Variants in KCNQ1 observed in about 807,000 individuals in gnomAD.
KCNQ1 encodes potassium voltage-gated channel subfamily KQT member 1.
Under a neutral mutation model 72.4 loss-of-function variants are expected in KCNQ1, and 49 were observed. The ratio of observed to expected loss-of-function variants is 0.68; its 90% CI spans 0.54 to 0.86. The LOEUF is 0.86. Among genes scored for constraint, KCNQ1 ranks in the 40% least tolerant of loss-of-function variants. The probability of loss-of-function intolerance (pLI) is 0.00; values close to 1 mark genes in which losing one functional copy is unlikely to be tolerated. For synonymous variants in KCNQ1, 450 were observed against 412.6 expected (o/e 1.09, Z -1.10); for missense variants, 790 against 945.1 (o/e 0.84, Z 2.15).
chr11:2,837,786 G>A (rs1177155264), intron 15 of KCNQ1, among the ~76,000 whole-genome samples: 1 of 152,258 alleles, frequency 6.6e-6, no homozygotes, highest in Non-Finnish European at 1.5e-5. Context: ...GGGTCCTGAG[G>A]TAGGAACCAG....
rs1003809366 is a variant in KCNQ1, at chr11:2,752,059, C to T, written c.1515-16785C>T. 1.3e-5 allele frequency among the ~76,000 whole-genome samples: 2 copies of T among 152,346 alleles called. No individual in the cohort carries two copies. The highest frequency in any genetic ancestry group is 1.9e-4 in the East Asian group (1 of 5,184). ...CTGTCCTCCCCACGCCCTGAGGGGC[C>T]GTCCTAGGCAGCACTCACCCTGGTC... On this transcript the variant is annotated intron_variant, in intron 11 of 15. Coordinates refer to ENST00000155840, the MANE Select transcript of KCNQ1 (RefSeq NM_000218.3). The surrounding 1 kb of genome is among the most constrained non-coding windows in gnomAD (Gnocchi z 5.2).
chr11:2,546,399 G>C (rs1223829965), intron 2 of KCNQ1, among the ~76,000 whole-genome samples: 1 of 152,200 alleles, frequency 6.6e-6, no homozygotes, highest in South Asian at 2.1e-4. Flanking sequence ...CTTGGAAAGA[G>C]TGTGTACTGC....
chr11:2,570,769 C>T lies in KCNQ1; in HGVS notation c.604+15C>T. 1 of 1,609,246 alleles carries T rather than the reference C, an allele frequency of 6.2e-7. No homozygotes were observed. Among genetic ancestry groups the T allele is most frequent in the Non-Finnish European group, 8.5e-7 (1 of 1,179,942 alleles). On this transcript the variant is annotated intron_variant, in intron 3 of 15. Transcript: ENST00000155840. ...TTCCATCATCGGTGAGTCATGCCTG[C>T]CCTGTGGAGGTCACGCCCAGGTTTC... is the stretch of plus-strand genomic sequence containing the variant.
chr11:2,490,742 G>T (rs192626038), intron 1 of KCNQ1, among the ~76,000 whole-genome samples: 1 of 152,098 alleles, frequency 6.6e-6, no homozygotes, highest in Non-Finnish European at 1.5e-5. Context: ...AGGCTAGAGC[G>T]CAATGGTGTG....
intron 1 of KCNQ1, among the ~76,000 whole-genome samples, chr11:2,504,050 C>T (rs1847060757): frequency 6.6e-6 from 1 of 152,192 alleles, no homozygotes. Context: ...CAGCACTATT[C>T]ACAATAGCCA....
At position 2,624,825 on chromosome 11, in the gene KCNQ1, G is replaced by A; in HGVS notation, c.1393+35971G>A. 2 of 398,430 alleles carry A rather than the reference G, an allele frequency of 5.0e-6. No homozygotes were observed. The highest frequency in any genetic ancestry group is 7.1e-5 in the East Asian group (2 of 28,058). 24.7% of individuals were successfully genotyped at this position (398,430 alleles called of 1,614,324 possible). A position where few individuals can be genotyped will look rare whatever the true frequency, so the allele number is the denominator to read the frequency against. Reference sequence around the variant, plus strand: ...ACTATTCTACATACCTCATATAAGTGGAAACATACAGTACTTCTCTTCTTG... The same window carrying A: ...ACTATTCTACATACCTCATATAAGTAGAAACATACAGTACTTCTCTTCTTG... On this transcript the variant is annotated intron_variant, in intron 10 of 15. Transcript: ENST00000155840. This position sits in a 1 kb window ranked among gnomAD's most constrained non-coding sequence, Gnocchi z 4.9.
At chr11:2,700,840 C>G (rs1850796411) in intron 11 of KCNQ1, among the ~76,000 whole-genome samples, 1 of 152,148 alleles carries the variant, frequency 6.6e-6, no homozygotes, top group Admixed American at 6.5e-5. Context: ...TCCGTCCCCT[C>G]CGCGCCGCTG....
chr11:2,765,231 T>G (rs1017118087), intron 11 of KCNQ1, among the ~76,000 whole-genome samples: 2 of 152,220 alleles, frequency 1.3e-5, no homozygotes, highest in African/African-American at 4.8e-5. Flanking sequence ...TGTTGTTTGA[T>G]TCTCATTATA....
rs112052216 is a variant in KCNQ1, at chr11:2,482,189, C to CGT, written c.386+36718_386+36719dup. ...CTGAGCAGGGTAACCCCTATCACTG[C>CGT]GTGTGTGTGTGTGTATATGTGTGTG... On this transcript the variant is annotated intron_variant, in intron 1 of 15. Transcript: ENST00000155840. This position sits in a 1 kb window ranked among gnomAD's most constrained non-coding sequence, Gnocchi z 5.7. 7.8e-4 allele frequency among the ~76,000 whole-genome samples: 118 copies of CGT among 151,600 alleles called. No homozygotes were observed. The highest frequency in any genetic ancestry group is 3.4e-3 in the Middle Eastern group (1 of 294).
Position 2,674,396 on chromosome 11 carries a change from C to CGTGTGT in KCNQ1, c.1514+12321_1514+12326dup. ...CCTGCTTAGGGAAGGTGCATGCGTG[C>CGTGTGT]GTGTGTGTGTGCGCGCCCGCGCGCA... On this transcript the variant is annotated intron_variant, in intron 11 of 15. Transcript: ENST00000155840. This position sits in a 1 kb window ranked among gnomAD's most constrained non-coding sequence, Gnocchi z 5.9. 2.0e-5 allele frequency: 3 copies of CGTGTGT among 148,450 alleles called. No homozygotes were observed. Among genetic ancestry groups the CGTGTGT allele is most frequent in the Non-Finnish European group, 2.9e-5 (2 of 68,276 alleles). The allele number at this position is 148,450 out of a possible 1,614,324, so 9.2% of individuals were successfully genotyped here.
In KCNQ1 at chr11:2,830,969, A is replaced by G. The variant is rs1847934323; in HGVS notation, c.1795-16798A>G. The stretch of plus-strand genomic sequence containing the variant: ...CGTGCAGGTCTTGTCAAGGCAGGAC[A>G]GGGAAGTGGTGATGATGAGAGGCAG... On this transcript the variant is annotated intron_variant, in intron 15 of 15. Transcript: ENST00000155840. The surrounding 1 kb of genome is among the most constrained non-coding windows in gnomAD (Gnocchi z 7.7). Among the ~76,000 whole-genome samples the G allele has an allele frequency of 6.6e-6, 1 of 152,238 alleles. No homozygotes were observed. Among genetic ancestry groups the G allele is most frequent in the Non-Finnish European group, 1.5e-5 (1 of 68,040 alleles).
intron 15 of KCNQ1, chr11:2,840,297 C>CAGAG (rs1312438155): frequency 6.5e-6 from 1 of 152,718 alleles, no homozygotes; most frequent in Admixed American, 6.5e-5. Flanking sequence ...TCTCGGGTGA[C>CAGAG]AGAGGAGGAA....
In KCNQ1 at chr11:2,678,985, G is replaced by T; in HGVS notation, c.1514+16904G>T. On this transcript the variant is annotated intron_variant, in intron 11 of 15. Coordinates refer to ENST00000155840, the MANE Select transcript of KCNQ1 (RefSeq NM_000218.3). The surrounding 1 kb of genome is among the most constrained non-coding windows in gnomAD (Gnocchi z 4.9). ...AAAAGAGCAAATAGGCCTAATTCAAGAATTTTTAAAAACCCGCAATAAGAA... is the reference window on the plus strand; with the variant it reads ...AAAAGAGCAAATAGGCCTAATTCAATAATTTTTAAAAACCCGCAATAAGAA... 1 of 398,526 alleles carries T rather than the reference G, an allele frequency of 2.5e-6. No individual in the cohort carries two copies. The highest frequency in any genetic ancestry group is 4.4e-6 in the Non-Finnish European group (1 of 226,044). The allele number at this position is 398,526 out of a possible 1,614,324, so 24.7% of individuals were successfully genotyped here.
In KCNQ1 at chr11:2,559,968, A is replaced by G. The variant is rs575096518; in HGVS notation, c.478-10660A>G. 1.4e-3 allele frequency among the ~76,000 whole-genome samples: 213 copies of G among 151,554 alleles called. No individual in the cohort carries two copies. The highest frequency in any genetic ancestry group is 4.5e-3 in the African/African-American group (185 of 41,280). ...ACCCCCAGAGTGTTCCAGTGACTTC[A>G]GAGAGGGGCAGCCAGACCAGGAGGA... On this transcript the variant is annotated intron_variant, in intron 2 of 15. Coordinates refer to ENST00000155840, the MANE Select transcript of KCNQ1 (RefSeq NM_000218.3). This position sits in a 1 kb window ranked among gnomAD's most constrained non-coding sequence, Gnocchi z 4.9.
In KCNQ1 at chr11:2,713,233, G is replaced by A. The variant is rs1009953193; in HGVS notation, c.1514+51152G>A. Among the ~76,000 whole-genome samples, 8 of 152,144 alleles carry A rather than the reference G, an allele frequency of 5.3e-5. No homozygotes were observed. Among genetic ancestry groups the A allele is most frequent in the South Asian group, 2.1e-4 (1 of 4,796 alleles). ...ACTTGCTTGGTGTCCCGAGCCAGCCGGACCTGCATCCCGCTCCTCCTCCGC... is the reference window on the plus strand; with the variant it reads ...ACTTGCTTGGTGTCCCGAGCCAGCCAGACCTGCATCCCGCTCCTCCTCCGC... On this transcript the variant is annotated intron_variant, in intron 11 of 15. Transcript: ENST00000155840. This position sits in a 1 kb window ranked among gnomAD's most constrained non-coding sequence, Gnocchi z 5.6.
chr11:2,685,750 C>CA (rs1850477390), intron 11 of KCNQ1: 2 of 398,592 alleles, frequency 5.0e-6, no homozygotes, highest in South Asian at 2.5e-4. Context: ...GGCCAGCAGG[C>CA]AGGCATCCTC....
intron 13 of KCNQ1, among the ~76,000 whole-genome samples, chr11:2,776,614 G>A (rs1846706927): frequency 6.6e-6 from 1 of 152,230 alleles, no homozygotes; most frequent in Non-Finnish European, 1.5e-5. Flanking sequence ...TCCGAGATGG[G>A]CTCGCCTGGG....
rs1846849121 is a variant in KCNQ1 at position 2,782,974 on chromosome 11, C to G, written c.1794+4937C>G. On this transcript the variant is annotated intron_variant, in intron 15 of 15. Coordinates refer to ENST00000155840, the MANE Select transcript of KCNQ1 (RefSeq NM_000218.3). This position sits in a 1 kb window ranked among gnomAD's most constrained non-coding sequence, Gnocchi z 6.1. The stretch of plus-strand genomic sequence containing the variant: ...TTGGCCTTAATATACTGTTCTTTCT[C>G]TAACCTCTCTAAATTAAGAAGAGGA... 6.6e-6 allele frequency among the ~76,000 whole-genome samples: 1 copy of G among 152,114 alleles called. No individual in the cohort carries two copies. The highest frequency in any genetic ancestry group is 6.6e-5 in the Admixed American group (1 of 15,266).
At chr11:2,630,713 A>T (rs1345986447) in intron 10 of KCNQ1, 1 of 398,312 alleles carries the variant, frequency 2.5e-6, no homozygotes, top group Non-Finnish European at 4.4e-6. Context: ...ACTAATTATC[A>T]TCCTTCCATT....
Sources: allele counts gnomAD v4.1 joint callset (sites outside exome capture counted in the v4.1 genomes callset), GRCh38; gene constraint gnomAD v4.1.1; non-coding constraint Gnocchi (gnomAD v3.1); transcripts MANE v1.5; gene names NCBI Gene and HGNC (gene_info 2026-07-23, HGNC 2026-07-21).